GPHN: variants seen among roughly 807,000 people sequenced by gnomAD.
GPHN encodes gephyrin.
Under a neutral mutation model 95.5 loss-of-function variants are expected in GPHN, and 17 were observed. The ratio of observed to expected loss-of-function variants is 0.18; its 90% confidence interval spans 0.12 to 0.27. The LOEUF (loss-of-function observed/expected upper bound fraction) is 0.27, where lower values mean the gene tolerates loss of function less well. GPHN is among the 10% of genes least tolerant of loss of function. The pLI is 1.00. For synonymous variants in GPHN, 320 were observed against 322.5 expected (o/e 0.99, Z 0.08); for missense variants, 660 against 978.1 (o/e 0.67, Z 4.34).
At chr14:67,155,445 T>C (rs1032464326) in intron 18 of GPHN, among the ~76,000 whole-genome samples, 6 of 152,188 alleles carry the variant, frequency 3.9e-5, no homozygotes, top group Admixed American at 3.9e-4. Flanking sequence ...TAGGAAACAA[T>C]TGATAAAGTA....
chr14:66,632,392 C>A (rs1022524394), intron 1 of GPHN, among the ~76,000 whole-genome samples: 1 of 151,792 alleles, frequency 6.6e-6, no homozygotes, highest in Non-Finnish European at 1.5e-5. Context: ...ATTCTCTTAG[C>A]TGAAATATTG....
chr14:67,332,265 G>C, the GPHN span, among the ~76,000 whole-genome samples: 1 of 152,138 alleles, frequency 6.6e-6, no homozygotes, highest in Non-Finnish European at 1.5e-5. Flanking sequence ...GTATTTTAAA[G>C]TAGGCTACTC....
At chr14:67,098,626 A>G (rs1052177661) in intron 12 of GPHN, among the ~76,000 whole-genome samples, 1 of 152,158 alleles carries the variant, frequency 6.6e-6, no homozygotes, top group African/African-American at 2.4e-5. Flanking sequence ...CCTGACCAAT[A>G]TGATGAAACC....
chr14:66,891,748 T>G (rs1049496438), intron 5 of GPHN, among the ~76,000 whole-genome samples: 86 of 150,932 alleles, frequency 5.7e-4, no homozygotes, highest in African/African-American at 2.0e-3. Context: ...GGTATTAATA[T>G]TCTATATATA....
At chr14:67,712,591 T>A in the GPHN span, among the ~76,000 whole-genome samples, 1 of 151,960 alleles carries the variant, frequency 6.6e-6, no homozygotes, top group African/African-American at 2.4e-5. Context: ...CCTTGGATGT[T>A]AGCTTTTAAT....
chr14:66,740,947 A>T (rs866207646), intron 2 of GPHN, among the ~76,000 whole-genome samples: 2 of 152,346 alleles, frequency 1.3e-5, no homozygotes, highest in Middle Eastern at 3.4e-3. Context: ...GAAGTCCAGT[A>T]TCAAGGTGCT....
At chr14:67,448,478 G>A in the GPHN span, among the ~76,000 whole-genome samples, 102 of 152,212 alleles carry the variant, frequency 6.7e-4, no homozygotes, top group African/African-American at 2.5e-3. Flanking sequence ...TGAATTGATT[G>A]GAGCAGCTTA....
chr14:66,810,360 A>AT (rs200025903), intron 3 of GPHN, among the ~76,000 whole-genome samples: 2 of 124,364 alleles, frequency 1.6e-5, no homozygotes, highest in African/African-American at 9.5e-5. Flanking sequence ...CTGTTTCCAG[A>AT]TTTTTTTTGT....
the GPHN span, among the ~76,000 whole-genome samples, chr14:67,493,699 G>C: frequency 2.6e-5 from 4 of 152,232 alleles, no homozygotes; most frequent in African/African-American, 9.6e-5. Flanking sequence ...CTGGTTCTGT[G>C]ATTGGTTCAG....
chr14:67,374,442 G>T, the GPHN span: 5 of 1,512,054 alleles, frequency 3.3e-6, no homozygotes, highest in Admixed American at 5.2e-5. Flanking sequence ...GGACAGAGAT[G>T]ATTTTTTCAC....
At chr14:66,702,904 T>C (rs2068695434) in intron 2 of GPHN, among the ~76,000 whole-genome samples, 2 of 151,900 alleles carry the variant, frequency 1.3e-5, no homozygotes, top group African/African-American at 2.4e-5. Context: ...TGATAAAAGG[T>C]TAGAGGAGCT....
chr14:67,361,581 T>G, the GPHN span, among the ~76,000 whole-genome samples: 1 of 152,366 alleles, frequency 6.6e-6, no homozygotes, highest in South Asian at 2.1e-4. Context: ...GAAAGGAATG[T>G]GAACTTCTAT....
chr14:66,917,575 G>C (rs576014122), intron 6 of GPHN, among the ~76,000 whole-genome samples: 1 of 152,214 alleles, frequency 6.6e-6, no homozygotes, highest in South Asian at 2.1e-4. Flanking sequence ...TTTGGCCACT[G>C]TGCTGATTCA....
intron 2 of GPHN, among the ~76,000 whole-genome samples, chr14:66,728,800 A>C (rs2071491486): frequency 6.6e-6 from 1 of 152,166 alleles, no homozygotes; most frequent in Admixed American, 6.5e-5. Flanking sequence ...GTTAATGCTG[A>C]AGTGAGTTAA....
chr14:66,571,869 T>A (rs1258497629), intron 1 of GPHN, among the ~76,000 whole-genome samples: 3 of 152,194 alleles, frequency 2.0e-5, no homozygotes, highest in Non-Finnish European at 4.4e-5. Flanking sequence ...CAGGAAGCTT[T>A]TCCCCTAGGA....
the GPHN span, among the ~76,000 whole-genome samples, chr14:67,331,981 T>C: frequency 1.3e-5 from 2 of 152,230 alleles, no homozygotes; most frequent in Admixed American, 1.3e-4. Context: ...AGTTGTCATA[T>C]TTTTAATATG....
chr14:66,658,817 G>A (rs185733937), intron 1 of GPHN, among the ~76,000 whole-genome samples: 8 of 151,804 alleles, frequency 5.3e-5, no homozygotes, highest in Admixed American at 2.0e-4. Flanking sequence ...TGAACATGCA[G>A]TACCTCCAAG....
intron 9 of GPHN, among the ~76,000 whole-genome samples, chr14:67,017,273 G>C (rs1344655046): frequency 6.6e-6 from 1 of 152,048 alleles, no homozygotes; most frequent in African/African-American, 2.4e-5. Context: ...GGAACCATGG[G>C]AAAAAACTTT....
At chr14:67,228,839 A>G in the GPHN span, among the ~76,000 whole-genome samples, 1 of 152,164 alleles carries the variant, frequency 6.6e-6, no homozygotes, top group Non-Finnish European at 1.5e-5. Flanking sequence ...GTTCTAGCTG[A>G]GTACCTGGTG....
Sources: allele counts gnomAD v4.1 joint callset (sites outside exome capture counted in the v4.1 genomes callset), GRCh38; gene constraint gnomAD v4.1.1; transcripts MANE v1.5; gene names NCBI Gene and HGNC (gene_info 2026-07-23, HGNC 2026-07-21).